STX17: variants seen among roughly 807,000 people sequenced by gnomAD.
The protein encoded by STX17 is syntaxin-17.
STX17 carries 29 observed loss-of-function variants against 35.9 expected under a neutral mutation model. That is an observed-to-expected ratio of 0.81 (90% CI 0.60 to 1.10). The LOEUF (loss-of-function observed/expected upper bound fraction) is 1.10. Ranked by LOEUF, STX17 falls within the 50% of genes least tolerant of loss-of-function variation. STX17 has a pLI of 0.00. For missense variants in STX17, 312 were observed against 352.3 expected (o/e 0.89, Z 0.92); for synonymous variants, 92 against 118.3 (o/e 0.78, Z 1.44).
chr9:99,967,794 T>C, intron 7 of STX17, 55 bp downstream of exon 7: 1 of 1,485,532 alleles, frequency 6.7e-7, no homozygotes. Context: ...CAGGAATCTC[T>C]AGTATTAACC....
At chr9:99,948,816 A>G (rs1245625201) in intron 3 of STX17, among the ~76,000 whole-genome samples, 1 of 152,122 alleles carries the variant, frequency 6.6e-6, no homozygotes, top group Admixed American at 6.5e-5. Flanking sequence ...TCTTAGCTGG[A>G]TACTGTAATT....
chr9:99,960,733 C>T lies in STX17; in HGVS notation c.582+578C>T, dbSNP rs181977673. Among the ~76,000 whole-genome samples the T allele has an allele frequency of 1.2e-3, 183 of 152,308 alleles. 1 individual carries two copies. The highest frequency in any genetic ancestry group is 2.2e-3 in the Admixed American group (33 of 15,296). ...CTGGGATTACAGGCATGAGCCACCA[C>T]GCCCTGCTGCCTTTGAGCATTCTAC... is the stretch of plus-strand genomic sequence containing the variant. On this transcript the variant is annotated intron_variant, in intron 6 of 7. Transcript: ENST00000259400.
At chr9:99,954,632 A>G (rs1829671714) in intron 4 of STX17, among the ~76,000 whole-genome samples, 2 of 151,976 alleles carry the variant, frequency 1.3e-5, no homozygotes, top group Non-Finnish European at 2.9e-5. Flanking sequence ...TGCTTTAGAT[A>G]CTTATTATAG....
At chr9:99,940,166 T>C (rs1218948724) in intron 3 of STX17, among the ~76,000 whole-genome samples, 2 of 152,178 alleles carry the variant, frequency 1.3e-5, no homozygotes, top group Non-Finnish European at 2.9e-5. Context: ...GTCTCGCTCT[T>C]GTCGCCCAGG....
At chr9:99,923,643 T>C (rs1828932176) in intron 2 of STX17, among the ~76,000 whole-genome samples, 3 of 152,158 alleles carry the variant, frequency 2.0e-5, no homozygotes, top group Admixed American at 6.5e-5. Flanking sequence ...TACCTAGAGA[T>C]AGCCTCAGAA....
chr9:99,947,195 T>G (rs1251387780), intron 3 of STX17, among the ~76,000 whole-genome samples: 1 of 152,144 alleles, frequency 6.6e-6, no homozygotes, highest in Non-Finnish European at 1.5e-5. Context: ...ATTTATATCT[T>G]TCTTGAACTG....
In STX17 at chr9:99,951,207, G is replaced by T; in HGVS notation, c.337G>T (p.Val113Leu). ...ATTTCTCCAACTCCATTTGGAATCT[G>T]TAGAAGAACTTAAGAAGCAATTTAA... ...AEFLQLHLESVEELKKQFNDE... is the reference protein window; with the variant it reads ...AEFLQLHLESLEELKKQFNDE... Residue 113 changes from valine (V) to leucine (L), a missense_variant, in exon 4 of 8, where the codon GTA becomes TTA. Val to Leu is a conservative substitution (Grantham distance 32). Transcript: ENST00000259400. 6.2e-7 allele frequency: 1 copy of T among 1,613,124 alleles called. No individual in the cohort carries two copies. The highest frequency in any genetic ancestry group is 8.5e-7 in the Non-Finnish European group (1 of 1,179,264).
At chr9:99,913,094 G>A (rs1007395813) in intron 1 of STX17, among the ~76,000 whole-genome samples, 1 of 151,904 alleles carries the variant, frequency 6.6e-6, no homozygotes. Flanking sequence ...TGCTTTGTCA[G>A]TCTTTTATGT....
intron 4 of STX17, 72 bp downstream of exon 4, chr9:99,951,357 A>ATAATTCAGTATC: frequency 1.5e-6 from 2 of 1,375,056 alleles, no homozygotes; most frequent in Non-Finnish European, 2.0e-6. Context: ...CCTTGAGTAG[A>ATAATTCAGTATC]TACTGAATTA....
intron 3 of STX17, among the ~76,000 whole-genome samples, chr9:99,930,352 C>G (rs1176072902): frequency 6.6e-6 from 1 of 151,816 alleles, no homozygotes; most frequent in East Asian, 1.9e-4. Flanking sequence ...ACTGCAAGCT[C>G]CTCCTCCTGG....
At chr9:99,960,547 G>A (rs572568390) in intron 6 of STX17, among the ~76,000 whole-genome samples, 51 of 152,116 alleles carry the variant, frequency 3.4e-4, no homozygotes, top group African/African-American at 1.2e-3. Flanking sequence ...AGATTCAAGC[G>A]ATTTGCCTCC....
chr9:99,957,903 C>G (rs918792980), intron 4 of STX17, among the ~76,000 whole-genome samples: 1 of 151,818 alleles, frequency 6.6e-6, no homozygotes, highest in African/African-American at 2.4e-5. Context: ...TTTTTTTACT[C>G]TCTAATTTTG....
intron 1 of STX17, among the ~76,000 whole-genome samples, chr9:99,914,537 G>T (rs145559835): frequency 4.6e-5 from 7 of 152,074 alleles, no homozygotes; most frequent in Non-Finnish European, 7.4e-5. Context: ...AGAAAATCTG[G>T]GTTCTTATTC....
intron 2 of STX17, among the ~76,000 whole-genome samples, chr9:99,919,359 T>C (rs1242734984): frequency 2.6e-5 from 4 of 152,128 alleles, no homozygotes; most frequent in African/African-American, 9.7e-5. Flanking sequence ...TCCTCCTGCA[T>C]TGGCCTCTCA....
intron 2 of STX17, among the ~76,000 whole-genome samples, chr9:99,926,143 CT>C (rs1564061346): frequency 1.3e-5 from 2 of 151,780 alleles, no homozygotes; most frequent in East Asian, 3.9e-4. Flanking sequence ...TTCAGGTACT[CT>C]TTTTTTAAAT....
chr9:99,915,587 T>G (rs1250692303), intron 2 of STX17, among the ~76,000 whole-genome samples: 1 of 152,170 alleles, frequency 6.6e-6, no homozygotes, highest in South Asian at 2.1e-4. Context: ...GAGTCTATGC[T>G]TTTTTGTTTG....
At chr9:99,937,863 G>A (rs1829268545) in intron 3 of STX17, 1 of 152,086 alleles carries the variant, frequency 6.6e-6, no homozygotes, top group African/African-American at 2.4e-5. Flanking sequence ...AAAACAATGA[G>A]CTTTGTTCTG....
intron 4 of STX17, among the ~76,000 whole-genome samples, chr9:99,954,763 T>G (rs1165236069): frequency 6.6e-6 from 1 of 152,090 alleles, no homozygotes; most frequent in Non-Finnish European, 1.5e-5. Context: ...CAGCAGAGAT[T>G]CAGAAGCAAT....
chr9:99,951,002 AAAAG>A (rs750004209), intron 3 of STX17, 54 bp from the exon 4 acceptor site: 172 of 1,433,916 alleles, frequency 1.2e-4, no homozygotes, highest in Non-Finnish European at 1.5e-4. Context: ...ATTACTTCTG[AAAAG>A]AAAGATATCT....
Sources: gnomAD v4.1 joint callset for allele counts (sites outside exome capture counted in the v4.1 genomes callset) on GRCh38, gnomAD v4.1.1 for gene constraint, MANE v1.5 for transcripts, NCBI Gene and HGNC (gene_info 2026-07-23, HGNC 2026-07-21) for gene names.